ANK2: variants seen among roughly 807,000 people sequenced by gnomAD.
ANK2 encodes ankyrin-2.
Under a neutral mutation model 360.5 loss-of-function variants are expected in ANK2, and 83 were observed. That is an observed-to-expected ratio of 0.23 (90% CI 0.19 to 0.28). ANK2 has a LOEUF of 0.28. ANK2 is among the 10% of genes least tolerant of loss of function. ANK2 has a pLI of 1.00. For synonymous variants in ANK2, 1,740 were observed against 1,759.5 expected, an observed-to-expected ratio of 0.99 and a Z score of 0.28; for missense variants, 4,201 against 4,795.7, an observed-to-expected ratio of 0.88 and a Z score of 3.66.
At chr4:113,037,437 G>T (rs964076151) in intron 2 of ANK2, among the ~76,000 whole-genome samples, 1 of 151,820 alleles carries the variant, frequency 6.6e-6, no homozygotes, top group Non-Finnish European at 1.5e-5. Context: ...TATTATTATT[G>T]TTATACTCTA....
At position 113,145,920 on chromosome 4, in the gene ANK2, G is replaced by A. The variant is rs911631225; in HGVS notation, c.85-28496G>A. 5 of 1,289,708 alleles carry A rather than the reference G, an allele frequency of 3.9e-6. No homozygotes were observed. The African/African-American group carries it at 7.6e-5, about 20-fold the overall frequency. The allele number at this position is 1,289,708 out of a possible 1,614,324, so 79.9% of individuals were successfully genotyped here. ...TTGCCATGCGGATAAGAGCATAAGA[G>A]CACAAGGAAACATGCAGGAACTGGA... On this transcript the variant is annotated intron_variant, in intron 1 of 45. Coordinates refer to ENST00000357077, the MANE Select transcript of ANK2 (RefSeq NM_001148.6).
intron 1 of ANK2, among the ~76,000 whole-genome samples, chr4:113,094,509 G>T (rs1466445685): frequency 6.8e-6 from 1 of 146,642 alleles, no homozygotes; most frequent in Non-Finnish European, 1.6e-5. Flanking sequence ...GGAAAAGAGG[G>T]TGCAGCACGT....
chr4:112,897,099 T>C (rs755958293), intron 1 of ANK2, among the ~76,000 whole-genome samples: 4 of 152,184 alleles, frequency 2.6e-5, no homozygotes, highest in Non-Finnish European at 4.4e-5. Context: ...AGAGAAGCTC[T>C]TTCTCTGAGC....
the ANK2 span, among the ~76,000 whole-genome samples, chr4:112,719,184 G>A: frequency 2.6e-5 from 4 of 152,192 alleles, no homozygotes; most frequent in South Asian, 8.3e-4. Flanking sequence ...AGGCTTAGTA[G>A]TTTGCTGAAG....
intron 2 of ANK2, among the ~76,000 whole-genome samples, chr4:113,188,550 C>T (rs1039038957): frequency 1.3e-5 from 2 of 152,002 alleles, no homozygotes; most frequent in Admixed American, 6.6e-5. Context: ...TTAAGTGATT[C>T]CTTGAAATAA....
chr4:112,803,487 C>T, the ANK2 span, among the ~76,000 whole-genome samples: 9 of 151,896 alleles, frequency 5.9e-5, no homozygotes, highest in Non-Finnish European at 1.0e-4. Context: ...GTAATGGATG[C>T]GGTCACAAGT....
intron 4 of ANK2, among the ~76,000 whole-genome samples, chr4:113,212,787 A>G (rs1358670680): frequency 6.6e-6 from 1 of 152,250 alleles, no homozygotes; most frequent in South Asian, 2.1e-4. Flanking sequence ...TAAGAGCTCA[A>G]TGACTGTTAG....
chr4:112,759,266 G>C, the ANK2 span, among the ~76,000 whole-genome samples: 2 of 152,030 alleles, frequency 1.3e-5, no homozygotes, highest in South Asian at 4.1e-4. Context: ...CTCCTGAGTA[G>C]CTGGGACTAC....
chr4:112,984,408 G>A (rs1166401565), intron 2 of ANK2, among the ~76,000 whole-genome samples: 1 of 152,232 alleles, frequency 6.6e-6, no homozygotes, highest in Non-Finnish European at 1.5e-5. Context: ...AACAGGCAAA[G>A]AGAGAGAGCT....
rs2059559421 is a variant in ANK2, at chr4:113,274,478, C to T, written c.1512C>T (p.Ala504=). Residue 504 remains alanine (A), a synonymous_variant, in exon 15 of 46, where the codon GCC becomes GCT. Coordinates refer to ENST00000357077, the MANE Select transcript of ANK2 (RefSeq NM_001148.6). ...AGGAACAGACACCTTTACATATTGC[C>T]TCCCGCCTGGGTAAGACAGAAATTG... is the stretch of plus-strand genomic sequence containing the variant. ...AREEQTPLHI[A]SRLGKTEIVQ... The T allele has an allele frequency of 1.2e-6, 2 of 1,614,200 alleles. No individual in the cohort carries two copies. The highest frequency in any genetic ancestry group is 1.7e-6 in the Non-Finnish European group (2 of 1,180,036).
chr4:112,886,533 G>C, intron 1 of ANK2, among the ~76,000 whole-genome samples: 1 of 152,074 alleles, frequency 6.6e-6, no homozygotes, highest in East Asian at 1.9e-4. Context: ...GTGGTGGCGC[G>C]CGCCTGTAAT....
At chr4:113,305,819 A>C (rs1428496593) in intron 23 of ANK2, among the ~76,000 whole-genome samples, 1 of 152,194 alleles carries the variant, frequency 6.6e-6, no homozygotes, top group Non-Finnish European at 1.5e-5. Flanking sequence ...TATTAGTAGT[A>C]ATAGTGTATT....
upstream of ANK2, among the ~76,000 whole-genome samples, chr4:113,047,548 G>A (rs1191696227): frequency 6.6e-6 from 1 of 152,122 alleles, no homozygotes; most frequent in South Asian, 2.1e-4. Context: ...CGAGGTGAGG[G>A]AATGAGTGAG....
chr4:112,818,610 G>A (rs1175600271), intron 1 of ANK2, among the ~76,000 whole-genome samples: 2 of 152,162 alleles, frequency 1.3e-5, no homozygotes, highest in Non-Finnish European at 2.9e-5. Flanking sequence ...CAGGGAGAGG[G>A]GCAAGAGGGT....
intron 35 of ANK2, chr4:113,347,806 TAA>T (rs5861129): frequency 5.1e-3 from 811 of 159,206 alleles, no homozygotes; most frequent in South Asian, 0.016. Context: ...TTGTCTCTAT[TAA>T]AAAAAAAAAA....
intron 26 of ANK2, among the ~76,000 whole-genome samples, chr4:113,319,160 C>A (rs2084603932): frequency 1.3e-5 from 2 of 152,080 alleles, no homozygotes; most frequent in Admixed American, 1.3e-4. Flanking sequence ...TCTCAGTTAT[C>A]TTTTTAAAGT....
At chr4:112,826,988 T>A (rs2058551976) in intron 1 of ANK2, 23 of 1,524,802 alleles carry the variant, frequency 1.5e-5, no homozygotes, top group Non-Finnish European at 2.1e-5. Flanking sequence ...CATTTCTTTT[T>A]ATTGGAGTTC....
intron 2 of ANK2, among the ~76,000 whole-genome samples, chr4:112,957,406 G>A (rs1047544774): frequency 8.5e-5 from 13 of 152,304 alleles, no homozygotes; most frequent in Non-Finnish European, 1.6e-4. Flanking sequence ...AGTCTCCCAT[G>A]TCTACTTCTT....
intron 1 of ANK2, among the ~76,000 whole-genome samples, chr4:112,835,857 C>G (rs2060879930): frequency 6.6e-6 from 1 of 152,094 alleles, no homozygotes; most frequent in African/African-American, 2.4e-5. Flanking sequence ...ATAAATAGTG[C>G]CACTTTTCTC....
Sources: gnomAD v4.1 joint callset for allele counts (sites outside exome capture counted in the v4.1 genomes callset) on GRCh38, gnomAD v4.1.1 for gene constraint, MANE v1.5 for transcripts, NCBI Gene and HGNC (gene_info 2026-07-23, HGNC 2026-07-21) for gene names.